The following MAP3K1 variants were observed in gnomAD, a reference collection of about 807,000 sequenced individuals.
The protein encoded by MAP3K1 is mitogen-activated protein kinase kinase kinase 1.
In MAP3K1, 36 loss-of-function variants were observed where a neutral mutation model predicts 144.2. The ratio of observed to expected loss-of-function variants is 0.25; its 90% CI spans 0.19 to 0.33. The LOEUF (loss-of-function observed/expected upper bound fraction) is 0.33, where lower values mean the gene tolerates loss of function less well. Ranked by LOEUF, MAP3K1 falls within the 10% of genes least tolerant of loss-of-function variation. MAP3K1 has a pLI of 1.00. For synonymous variants in MAP3K1, 718 were observed against 688.7 expected (o/e 1.04, Z -0.67); for missense variants, 1,650 against 1,881.9 (o/e 0.88, Z 2.28).
rs746611474 is a variant in MAP3K1 at position 56,882,267 on chromosome 5, C to T, written c.3067C>T (p.Arg1023Cys). 14 of 1,613,942 alleles carry T rather than the reference C, an allele frequency of 8.7e-6. No homozygotes were observed. The highest frequency in any genetic ancestry group is 3.3e-5 in the Admixed American group (2 of 59,970). Reference protein sequence around the residue: ...RIPSASPQTQRKFSLQFHRNC... With the variant: ...RIPSASPQTQCKFSLQFHRNC... ...ACCTTCTGCATCTCCTCAAACACAGCGCAAGTTTTCTCTACAATTCCACAG... is the reference window on the plus strand; with the variant it reads ...ACCTTCTGCATCTCCTCAAACACAGTGCAAGTTTTCTCTACAATTCCACAG... Residue 1023 changes from arginine (R) to cysteine (C), a missense_variant, in exon 14 of 20, where the codon CGC becomes TGC. Coordinates refer to ENST00000399503, the MANE Select transcript of MAP3K1 (RefSeq NM_005921.2).
At chr5:56,851,700 A>C (rs1747178449) in intron 1 of MAP3K1, among the ~76,000 whole-genome samples, 1 of 152,202 alleles carries the variant, frequency 6.6e-6, no homozygotes, top group Admixed American at 6.5e-5. Context: ...ACTCAGGCGT[A>C]CAATACCGTT....
intron 6 of MAP3K1, among the ~76,000 whole-genome samples, chr5:56,869,871 C>T (rs182634351): frequency 1.2e-4 from 18 of 152,232 alleles, no homozygotes; most frequent in Admixed American, 7.8e-4. Flanking sequence ...ATAGTCTTGA[C>T]AGTTTTTCCC....
Position 56,894,967 on chromosome 5 carries a change from G to T in MAP3K1, c.*1287G>T, listed in dbSNP as rs1222146057. On this transcript the variant is annotated 3_prime_UTR_variant, in exon 20 of 20. Transcript: ENST00000399503. ...CATGGAATCCTGAAGGAAAATGGTAGCTTTTTAATCTTTTTGTGTGTGTGT... is the reference window on the plus strand; with the variant it reads ...CATGGAATCCTGAAGGAAAATGGTATCTTTTTAATCTTTTTGTGTGTGTGT... 4.3e-6 allele frequency: 1 copy of T among 231,848 alleles called. No individual in the cohort carries two copies. Among genetic ancestry groups the T allele is most frequent in the African/African-American group, 2.2e-5 (1 of 45,280 alleles). 14.4% of individuals were successfully genotyped at this position (231,848 alleles called of 1,614,324 possible). A position where few individuals can be genotyped will look rare whatever the true frequency, so the allele number is the denominator to read the frequency against.
intron 1 of MAP3K1, among the ~76,000 whole-genome samples, chr5:56,853,891 T>A (rs2111854511): frequency 6.6e-6 from 1 of 151,996 alleles, no homozygotes; most frequent in African/African-American, 2.4e-5. Flanking sequence ...GATTTTAGTC[T>A]AAGCCCGGGG....
chr5:56,885,646 G>T (rs1748357594), intron 16 of MAP3K1, among the ~76,000 whole-genome samples: 1 of 152,162 alleles, frequency 6.6e-6, no homozygotes, highest in Non-Finnish European at 1.5e-5. Context: ...AGAAGACAGA[G>T]AATTGAATTG....
At chr5:56,841,195 A>G (rs1327465779) in intron 1 of MAP3K1, among the ~76,000 whole-genome samples, 2 of 104,438 alleles carry the variant, frequency 1.9e-5, no homozygotes, top group African/African-American at 5.8e-5. Flanking sequence ...TGTATGGCTT[A>G]TTGATTTAAA....
chr5:56,844,324 T>C (rs984484712), intron 1 of MAP3K1, among the ~76,000 whole-genome samples: 5 of 151,046 alleles, frequency 3.3e-5, no homozygotes, highest in South Asian at 2.1e-4. Flanking sequence ...GGACTACAGG[T>C]GCCCGCCACC....
chr5:56,819,105 T>C (rs190130452), intron 1 of MAP3K1, among the ~76,000 whole-genome samples: 1 of 152,298 alleles, frequency 6.6e-6, no homozygotes, highest in Non-Finnish European at 1.5e-5. Context: ...GATAAGAAAA[T>C]TAATGCATTC....
In MAP3K1 at chr5:56,894,514, T is replaced by C; in HGVS notation, c.*834T>C. 4.3e-6 allele frequency: 1 copy of C among 232,696 alleles called. No individual in the cohort carries two copies. The highest frequency in any genetic ancestry group is 8.5e-6 in the Non-Finnish European group (1 of 117,712). The allele number at this position is 232,696 out of a possible 1,614,324, so 14.4% of individuals were successfully genotyped here. On this transcript the variant is annotated 3_prime_UTR_variant, in exon 20 of 20. Coordinates refer to ENST00000399503, the MANE Select transcript of MAP3K1 (RefSeq NM_005921.2). ...ACATTTGAGTCAGTCACCACTCTTA[T>C]TGTGCAGGTTAAGTACAAGTTAACT...
At chr5:56,849,353 T>TAA (rs60934512) in intron 1 of MAP3K1, among the ~76,000 whole-genome samples, 1 of 145,290 alleles carries the variant, frequency 6.9e-6, no homozygotes, top group African/African-American at 2.6e-5. Context: ...TCTCTGTCTT[T>TAA]AAAAAAAAAA....
chr5:56,858,961 A>G (rs1027792791), intron 2 of MAP3K1, among the ~76,000 whole-genome samples: 1 of 151,920 alleles, frequency 6.6e-6, no homozygotes, highest in African/African-American at 2.4e-5. Context: ...GCTATAGAAC[A>G]GGAGCAGTGG....
chr5:56,859,122 G>A (rs1167386947), intron 2 of MAP3K1, among the ~76,000 whole-genome samples: 1 of 146,104 alleles, frequency 6.8e-6, no homozygotes, highest in Non-Finnish European at 1.5e-5. Context: ...TTGAGAAATT[G>A]ATCTTTAAAC....
Position 56,881,292 on chromosome 5 carries a change from T to G in MAP3K1, c.2369+20T>G. 7.5e-6 allele frequency: 12 copies of G among 1,590,112 alleles called. No individual in the cohort carries two copies. Among genetic ancestry groups the G allele is most frequent in the Non-Finnish European group, 1.0e-5 (12 of 1,160,272 alleles). On this transcript the variant is annotated intron_variant, in intron 13 of 19. Transcript: ENST00000399503. ...AATCAGGTAATTTTTCTTCTGAAAA[T>G]GTATTACTTGTATCTTCCTACCCTC...
chr5:56,866,484 T>C (rs1188878466), intron 6 of MAP3K1, among the ~76,000 whole-genome samples: 1 of 152,220 alleles, frequency 6.6e-6, no homozygotes, highest in Non-Finnish European at 1.5e-5. Context: ...TGTGTGTATA[T>C]AGACGTTTTG....
chr5:56,852,516 C>G (rs2111849824), intron 1 of MAP3K1, among the ~76,000 whole-genome samples: 1 of 152,256 alleles, frequency 6.6e-6, no homozygotes, highest in Admixed American at 6.5e-5. Flanking sequence ...ACCAAGAAAC[C>G]TCATGTTTCC....
chr5:56,864,252 C>T (rs780576449), intron 3 of MAP3K1, among the ~76,000 whole-genome samples: 1 of 152,152 alleles, frequency 6.6e-6, no homozygotes, highest in Non-Finnish European at 1.5e-5. Flanking sequence ...TTTAAAAGTT[C>T]ACCTGAGATG....
intron 4 of MAP3K1, 98 bp from the exon 5 acceptor site, chr5:56,865,242 T>G (rs1229352029): frequency 1.3e-6 from 1 of 772,586 alleles, no homozygotes; most frequent in Admixed American, 2.2e-5. Flanking sequence ...ATAGAAACTT[T>G]AGTATAAAAA....
Position 56,882,687 on chromosome 5 carries a change from A to C in MAP3K1, c.3487A>C (p.Asn1163His). The C allele has an allele frequency of 1.9e-6, 3 of 1,614,124 alleles. No individual in the cohort carries two copies. Among genetic ancestry groups the C allele is most frequent in the Non-Finnish European group, 2.5e-6 (3 of 1,180,012 alleles). ...VAVLSPEKAE[N>H]DDTYKDDVNH... is the part of the protein sequence containing the mutation. Reference sequence around the variant, plus strand: ...TGTCCTGTCTCCTGAAAAGGCTGAAAATGATGATACCTACAAAGATGATGT... The same window carrying C: ...TGTCCTGTCTCCTGAAAAGGCTGAACATGATGATACCTACAAAGATGATGT... Residue 1163 changes from asparagine (N) to histidine (H), a missense_variant, in exon 14 of 20, where the codon AAT becomes CAT. By Grantham distance (68) the Asn-to-His change is moderately conservative. This residue lies in a region of MAP3K1 where 841 missense variants were observed against 886.5 expected (regional missense o/e 0.95). Coordinates refer to ENST00000399503, the MANE Select transcript of MAP3K1 (RefSeq NM_005921.2).
chr5:56,893,315 C>G (rs1748603175), intron 19 of MAP3K1, among the ~76,000 whole-genome samples: 1 of 152,120 alleles, frequency 6.6e-6, no homozygotes. Flanking sequence ...TGATCAAATC[C>G]TAAAATCCTA....
Sources: gnomAD v4.1 joint callset for allele counts (sites outside exome capture counted in the v4.1 genomes callset) on GRCh38, gnomAD v4.1.1 for gene constraint, gnomAD v4.1.1 regional missense constraint, MANE v1.5 for transcripts, NCBI Gene and HGNC (gene_info 2026-07-23, HGNC 2026-07-21) for gene names.